The following PCDH7 variants were observed in gnomAD, a reference collection of about 807,000 sequenced individuals.
PCDH7 encodes the protein protocadherin 7.
In PCDH7, 17 loss-of-function variants were observed where a neutral mutation model predicts 58.9. The ratio of observed to expected loss-of-function variants is 0.29; its 90% CI spans 0.20 to 0.43. PCDH7 has a LOEUF of 0.43. Ranked by LOEUF, PCDH7 falls within the 20% of genes least tolerant of loss-of-function variation. The pLI, the probability that PCDH7 is intolerant of heterozygous loss-of-function variation, is 1.00. For synonymous variants in PCDH7, 664 were observed against 616.4 expected (o/e 1.08, Z -1.14); for missense variants, 1,274 against 1,441.0 (o/e 0.88, Z 1.88).
chr4:30,833,887 G>A (rs1014975871), intron 1 of PCDH7, among the ~76,000 whole-genome samples: 1 of 152,180 alleles, frequency 6.6e-6, no homozygotes, highest in Non-Finnish European at 1.5e-5. Flanking sequence ...TGAACACTTT[G>A]TATGAAGGAA....
At chr4:30,785,617 G>A (rs947949931) in intron 1 of PCDH7, among the ~76,000 whole-genome samples, 1 of 151,868 alleles carries the variant, frequency 6.6e-6, no homozygotes, top group Non-Finnish European at 1.5e-5. Flanking sequence ...TGCATTTTCT[G>A]TTCTCTAAAC....
At chr4:31,048,790 G>A (rs192559396) in intron 3 of PCDH7, among the ~76,000 whole-genome samples, 13 of 151,928 alleles carry the variant, frequency 8.6e-5, no homozygotes, top group Admixed American at 3.9e-4. Context: ...AAAGGAAATC[G>A]CACTTAACCC....
At chr4:30,911,126 G>A (rs906639467) in intron 1 of PCDH7, among the ~76,000 whole-genome samples, 1 of 152,078 alleles carries the variant, frequency 6.6e-6, no homozygotes, top group Non-Finnish European at 1.5e-5. Flanking sequence ...CATGGGCACA[G>A]GGAGAGGAAC....
At chr4:31,030,490 G>A (rs1383608627) in intron 3 of PCDH7, among the ~76,000 whole-genome samples, 2 of 152,112 alleles carry the variant, frequency 1.3e-5, no homozygotes, top group African/African-American at 2.4e-5. Context: ...TCCAAATTGT[G>A]TCTTCAGGAT....
intron 1 of PCDH7, among the ~76,000 whole-genome samples, chr4:30,762,110 GTATGC>G (rs1203439353): frequency 6.6e-6 from 1 of 152,156 alleles, no homozygotes; most frequent in Admixed American, 6.6e-5. Flanking sequence ...TATTAATCCT[GTATGC>G]CACTTGACTT....
chr4:30,986,417 AAAAC>A (rs1273910906), intron 3 of PCDH7, among the ~76,000 whole-genome samples: 7 of 152,152 alleles, frequency 4.6e-5, no homozygotes, highest in African/African-American at 1.2e-4. Context: ...AGAAAAGCAA[AAAAC>A]AAACAAACAA....
intron 3 of PCDH7, among the ~76,000 whole-genome samples, chr4:31,017,580 C>T (rs1291441729): frequency 6.6e-6 from 1 of 151,958 alleles, no homozygotes; most frequent in South Asian, 2.1e-4. Context: ...GACACACACA[C>T]ATATATATAT....
At chr4:30,729,158 T>C (rs1033205248) in intron 1 of PCDH7, among the ~76,000 whole-genome samples, 1 of 151,920 alleles carries the variant, frequency 6.6e-6, no homozygotes, top group Admixed American at 6.6e-5. Context: ...AGGGATATAA[T>C]GTGGACTAGA....
At chr4:31,096,989 A>G (rs1417591771) in intron 3 of PCDH7, among the ~76,000 whole-genome samples, 1 of 151,898 alleles carries the variant, frequency 6.6e-6, no homozygotes, top group African/African-American at 2.4e-5. Context: ...GAGGTTGTTC[A>G]TGTAGGTGTA....
intron 1 of PCDH7, among the ~76,000 whole-genome samples, chr4:30,830,534 G>C (rs1458362817): frequency 6.6e-6 from 1 of 151,726 alleles, no homozygotes; most frequent in Admixed American, 6.6e-5. Context: ...CGCTCCTTTT[G>C]CTTTCCTTCC....
At chr4:31,111,134 G>T (rs908811380) in intron 3 of PCDH7, among the ~76,000 whole-genome samples, 1 of 151,936 alleles carries the variant, frequency 6.6e-6, no homozygotes, top group African/African-American at 2.4e-5. Context: ...ACAATATATG[G>T]TTCATATTTA....
chr4:31,121,831 G>GA (rs796885191), intron 3 of PCDH7, among the ~76,000 whole-genome samples: 2 of 151,700 alleles, frequency 1.3e-5, no homozygotes, highest in African/African-American at 2.4e-5. Flanking sequence ...TTTGTAGGAA[G>GA]AAAAAAAATA....
At chr4:31,060,707 G>A (rs1173089814) in intron 3 of PCDH7, among the ~76,000 whole-genome samples, 1 of 151,580 alleles carries the variant, frequency 6.6e-6, no homozygotes, top group African/African-American at 2.4e-5. Context: ...CTTCTAATCT[G>A]CTTATAATTC....
Position 30,928,367 on chromosome 4 carries a change from A to G in PCDH7, c.287+7998A>G, listed in dbSNP as rs191989280. 4.7e-4 allele frequency among the ~76,000 whole-genome samples: 72 copies of G among 152,298 alleles called. 1 individual carries two copies. The East Asian group carries it at 0.014, about 29-fold the overall frequency. On this transcript the variant is annotated intron_variant, in intron 2 of 3. Coordinates refer to the PCDH7 transcript ENST00000509759. ...TAAGTAAAGTATTTTTTGCTTTGCT[A>G]ATAAAGCAAAGTAGAACAATAGGTG...
At chr4:31,003,481 G>A (rs1474871901) in intron 3 of PCDH7, among the ~76,000 whole-genome samples, 1 of 151,394 alleles carries the variant, frequency 6.6e-6, no homozygotes, top group South Asian at 2.1e-4. Context: ...AAATGTTTCC[G>A]ATTTGGGATT....
intron 3 of PCDH7, among the ~76,000 whole-genome samples, chr4:31,002,468 A>G (rs1752433655): frequency 6.6e-6 from 1 of 152,232 alleles, no homozygotes; most frequent in Admixed American, 6.5e-5. Context: ...TGGTAGAGTT[A>G]TAGACTCTAC....
At chr4:31,106,391 T>G (rs1263035502) in intron 3 of PCDH7, among the ~76,000 whole-genome samples, 2 of 152,214 alleles carry the variant, frequency 1.3e-5, no homozygotes, top group Non-Finnish European at 2.9e-5. Context: ...TTCCTTTAGT[T>G]TCTGTGGTAC....
chr4:30,998,127 A>G (rs1350613329), intron 3 of PCDH7, among the ~76,000 whole-genome samples: 2 of 152,188 alleles, frequency 1.3e-5, no homozygotes, highest in African/African-American at 2.4e-5. Context: ...TTATATTACA[A>G]GAGTTCTATT....
chr4:31,005,519 A>C (rs1752697547), intron 3 of PCDH7, among the ~76,000 whole-genome samples: 1 of 152,206 alleles, frequency 6.6e-6, no homozygotes, highest in Non-Finnish European at 1.5e-5. Context: ...AAAAGATAAA[A>C]TTGGGAAGTA....
Sources: gnomAD v4.1 joint callset for allele counts (sites outside exome capture counted in the v4.1 genomes callset) on GRCh38, gnomAD v4.1.1 for gene constraint, MANE v1.5 for transcripts, NCBI Gene and HGNC (gene_info 2026-07-23, HGNC 2026-07-21) for gene names.